Variants in CENPW observed in about 807,000 individuals in gnomAD.
The protein encoded by CENPW is cancer-up-regulated gene 2 protein.
CENPW carries 3 observed loss-of-function variants against 11.1 expected under a neutral mutation model. The observed-to-expected ratio is 0.27, with a 90% CI of 0.12 to 0.70. CENPW has a LOEUF of 0.70. Ranked by LOEUF, CENPW falls within the 30% of genes least tolerant of loss-of-function variation. CENPW has a pLI of 0.77. For synonymous variants in CENPW, 38 were observed against 42.0 expected (o/e 0.91, Z 0.37); for missense variants, 100 against 105.6 (o/e 0.95, Z 0.23).
chr6:126,344,537 T>G (rs566221794), intron 1 of CENPW, among the ~76,000 whole-genome samples: 1 of 152,178 alleles, frequency 6.6e-6, no homozygotes, highest in African/African-American at 2.4e-5. Context: ...TTATGGGGTG[T>G]TTTTGCTACC....
the CENPW span, among the ~76,000 whole-genome samples, chr6:126,416,090 G>A: frequency 6.6e-6 from 1 of 152,162 alleles, no homozygotes; most frequent in Non-Finnish European, 1.5e-5. Flanking sequence ...ATAATGATAC[G>A]GACAATGAAA....
At chr6:126,448,146 G>A in the CENPW span, among the ~76,000 whole-genome samples, 160 of 151,284 alleles carry the variant, frequency 1.1e-3, no homozygotes, top group African/African-American at 3.6e-3. Flanking sequence ...TAGACAGGTA[G>A]CATCAGCATC....
chr6:126,380,482 A>G, the CENPW span, among the ~76,000 whole-genome samples: 1 of 152,288 alleles, frequency 6.6e-6, no homozygotes, highest in Admixed American at 6.5e-5. Context: ...TGTTCATGGC[A>G]GAGGGTTTCC....
At chr6:126,348,078 A>G (rs1780442222) in intron 2 of CENPW, among the ~76,000 whole-genome samples, 1 of 152,032 alleles carries the variant, frequency 6.6e-6, no homozygotes, top group African/African-American at 2.4e-5. Context: ...TATAGACTCA[A>G]GAATATTGTT....
chr6:126,366,120 G>A, the CENPW span, among the ~76,000 whole-genome samples: 4 of 152,126 alleles, frequency 2.6e-5, no homozygotes, highest in African/African-American at 7.2e-5. Context: ...GAGTTTTCAT[G>A]ATATTTGCTA....
the CENPW span, among the ~76,000 whole-genome samples, chr6:126,356,679 G>A: frequency 2.0e-5 from 3 of 151,952 alleles, no homozygotes. Flanking sequence ...GCATTTCTTT[G>A]ATGATTAGTG....
At chr6:126,387,713 G>C in the CENPW span, among the ~76,000 whole-genome samples, 2 of 151,902 alleles carry the variant, frequency 1.3e-5, no homozygotes, top group Non-Finnish European at 2.9e-5. Flanking sequence ...AAACCGCTTT[G>C]AGGTTACCAA....
At chr6:126,387,291 T>C in the CENPW span, among the ~76,000 whole-genome samples, 1 of 151,942 alleles carries the variant, frequency 6.6e-6, no homozygotes, top group African/African-American at 2.4e-5. Context: ...TAAATCACAA[T>C]GAAAAGTGTA....
At chr6:126,398,836 C>G in the CENPW span, among the ~76,000 whole-genome samples, 468 of 151,110 alleles carry the variant, frequency 3.1e-3, 5 homozygotes, top group African/African-American at 0.011. Flanking sequence ...CTAGTATCCC[C>G]CAATGTCTAT....
At chr6:126,454,447 C>T in the CENPW span, among the ~76,000 whole-genome samples, 158 of 151,210 alleles carry the variant, frequency 1.0e-3, 1 homozygote, top group Non-Finnish European at 1.8e-3. Context: ...ACATGTAAAT[C>T]GAACAATCTG....
At chr6:126,437,018 C>CT in the CENPW span, among the ~76,000 whole-genome samples, 1,326 of 144,204 alleles carry the variant, frequency 9.2e-3, 19 homozygotes, top group African/African-American at 0.031. Flanking sequence ...GGCATTGAAG[C>CT]TTTTTTTTTT....
the CENPW span, among the ~76,000 whole-genome samples, chr6:126,472,815 G>A: frequency 6.6e-6 from 1 of 152,130 alleles, no homozygotes; most frequent in African/African-American, 2.4e-5. Flanking sequence ...GGTAAGATCA[G>A]TCTTTTATCA....
chr6:126,389,425 T>C, the CENPW span, among the ~76,000 whole-genome samples: 1 of 151,950 alleles, frequency 6.6e-6, no homozygotes, highest in Non-Finnish European at 1.5e-5. Context: ...CTTGGGATTC[T>C]GTTGTTCAAA....
chr6:126,390,596 C>A, the CENPW span, among the ~76,000 whole-genome samples: 1 of 151,642 alleles, frequency 6.6e-6, no homozygotes, highest in South Asian at 2.1e-4. Context: ...ATTAATCATC[C>A]CCACTTCCCC....
chr6:126,474,314 T>C, the CENPW span, among the ~76,000 whole-genome samples: 2 of 152,040 alleles, frequency 1.3e-5, no homozygotes, highest in African/African-American at 4.8e-5. Flanking sequence ...TTGTTTTGTT[T>C]TTACATTTCT....
At chr6:126,340,878 T>A (rs1343502126) in intron 1 of CENPW, among the ~76,000 whole-genome samples, 3 of 152,184 alleles carry the variant, frequency 2.0e-5, no homozygotes, top group African/African-American at 7.2e-5. Flanking sequence ...CTTTCCTCCC[T>A]TGGCTCCCTC....
At chr6:126,452,456 A>G in the CENPW span, among the ~76,000 whole-genome samples, 2 of 151,072 alleles carry the variant, frequency 1.3e-5, no homozygotes, top group South Asian at 4.1e-4. Flanking sequence ...GAAATTTAAG[A>G]GCTGAGAAAA....
At chr6:126,359,011 G>A in the CENPW span, among the ~76,000 whole-genome samples, 1 of 151,286 alleles carries the variant, frequency 6.6e-6, no homozygotes, top group Non-Finnish European at 1.5e-5. Flanking sequence ...TCCTCTAGGT[G>A]CAAAGTTAGA....
At chr6:126,468,334 C>T in the CENPW span, among the ~76,000 whole-genome samples, 5 of 147,376 alleles carry the variant, frequency 3.4e-5, no homozygotes, top group African/African-American at 5.0e-5. Context: ...GCCGGAGAAT[C>T]GCTTGAACCC....
Sources: gnomAD v4.1 joint callset for allele counts (sites outside exome capture counted in the v4.1 genomes callset) on GRCh38, gnomAD v4.1.1 for gene constraint, MANE v1.5 for transcripts, NCBI Gene and HGNC (gene_info 2026-07-23, HGNC 2026-07-21) for gene names.